The following TMPRSS11D variants were observed in gnomAD, a reference collection of about 807,000 sequenced individuals.
TMPRSS11D encodes transmembrane serine protease 11D, also known as transmembrane protease serine 11D.
TMPRSS11D carries 32 observed loss-of-function variants against 44.4 expected under a neutral mutation model. The ratio of observed to expected loss-of-function variants is 0.72; its 90% CI spans 0.54 to 0.97. The LOEUF (loss-of-function observed/expected upper bound fraction) is 0.97. Among genes scored for constraint, TMPRSS11D ranks in the 50% least tolerant of loss-of-function variants. The pLI is 0.00. For missense variants in TMPRSS11D, 446 were observed against 502.6 expected (o/e 0.89, Z 1.08); for synonymous variants, 179 against 177.9 (o/e 1.01, Z -0.05).
chr4:67,828,963 A>C (rs551329767), intron 7 of TMPRSS11D, among the ~76,000 whole-genome samples: 4 of 152,220 alleles, frequency 2.6e-5, no homozygotes, highest in Non-Finnish European at 4.4e-5. Flanking sequence ...AAAAGTGTCC[A>C]GGAAAGCTCC....
chr4:67,832,923 A>C (rs1717981645), intron 7 of TMPRSS11D, among the ~76,000 whole-genome samples: 1 of 152,078 alleles, frequency 6.6e-6, no homozygotes, highest in African/African-American at 2.4e-5. Context: ...AGATTTAGTA[A>C]ATTTCTTAAG....
chr4:67,872,039 A>C (rs1308544120), intron 1 of TMPRSS11D, among the ~76,000 whole-genome samples: 2 of 152,176 alleles, frequency 1.3e-5, no homozygotes, highest in Non-Finnish European at 2.9e-5. Flanking sequence ...CTTACTGATT[A>C]ATGTTAGTTA....
rs933693393 is a variant in TMPRSS11D at position 67,821,621 on chromosome 4, G to A, written c.*716C>T. Reference sequence around the variant, plus strand: ...ATAGATATAGTCTCTCCTTTATGTAGATGAGTGATATTTTTCATGGGTCAT... The same window carrying A: ...ATAGATATAGTCTCTCCTTTATGTAAATGAGTGATATTTTTCATGGGTCAT... On this transcript the variant is annotated 3_prime_UTR_variant, in exon 10 of 10. Transcript: ENST00000283916. 2 of 152,068 alleles carry A rather than the reference G, an allele frequency of 1.3e-5. No individual in the cohort carries two copies. Among genetic ancestry groups the A allele is most frequent in the South Asian group, 2.1e-4 (1 of 4,824 alleles). The allele number at this position is 152,068 out of a possible 1,614,324, so 9.4% of individuals were successfully genotyped here.
At chr4:67,827,203 T>A in intron 8 of TMPRSS11D, 58 bp downstream of exon 8, 1 of 1,529,772 alleles carries the variant, frequency 6.5e-7, no homozygotes, top group South Asian at 1.3e-5. Flanking sequence ...TTTAAAAAAT[T>A]ACCTAATAGC....
intron 2 of TMPRSS11D, among the ~76,000 whole-genome samples, chr4:67,855,536 A>C (rs1437029008): frequency 2.0e-5 from 3 of 152,236 alleles, no homozygotes; most frequent in South Asian, 4.1e-4. Flanking sequence ...AACTAGGCTT[A>C]GAAGGGACAT....
chr4:67,859,505 G>A, intron 2 of TMPRSS11D, 52 bp downstream of exon 2: 1 of 1,567,426 alleles, frequency 6.4e-7, no homozygotes, highest in Middle Eastern at 1.7e-4. Context: ...CTTTAAATCT[G>A]AAATTGTATG....
intron 9 of TMPRSS11D, among the ~76,000 whole-genome samples, chr4:67,824,214 T>C (rs1211598148): frequency 6.6e-6 from 1 of 151,118 alleles, no homozygotes; most frequent in Non-Finnish European, 1.5e-5. Flanking sequence ...GAGTGGAATA[T>C]ACATGGAAGG....
intron 9 of TMPRSS11D, among the ~76,000 whole-genome samples, chr4:67,823,051 G>C (rs554003345): frequency 6.6e-6 from 1 of 152,204 alleles, no homozygotes; most frequent in Admixed American, 6.5e-5. Context: ...TTCAATGTCT[G>C]TTTTCCCAGA....
intron 2 of TMPRSS11D, among the ~76,000 whole-genome samples, chr4:67,856,149 G>C (rs1318110908): frequency 6.6e-6 from 1 of 152,082 alleles, no homozygotes; most frequent in Non-Finnish European, 1.5e-5. Flanking sequence ...CCTAAAATTT[G>C]TATGAAACAA....
In TMPRSS11D at chr4:67,838,331, T is replaced by C; in HGVS notation, c.318-2A>G. On this transcript the variant is annotated splice_acceptor_variant, in intron 4 of 9. Coordinates refer to ENST00000283916, the MANE Select transcript of TMPRSS11D (RefSeq NM_004262.3). LOFTEE classifies it high-confidence loss of function. ...GCTCTCACACCACTACCATCTTGCCTGTAAATCATAAAGATATTTTAAAAA... is the reference window on the plus strand; with the variant it reads ...GCTCTCACACCACTACCATCTTGCCCGTAAATCATAAAGATATTTTAAAAA... The C allele has an allele frequency of 6.5e-7, 1 of 1,545,656 alleles. No individual in the cohort carries two copies. Among genetic ancestry groups the C allele is most frequent in the Non-Finnish European group, 8.7e-7 (1 of 1,151,026 alleles).
chr4:67,833,093 T>A (rs532681342), intron 7 of TMPRSS11D, 111 bp downstream of exon 7: 1 of 1,077,092 alleles, frequency 9.3e-7, no homozygotes, highest in African/African-American at 1.6e-5. Context: ...TCTTACTGAT[T>A]TTTTTGCATT....
At chr4:67,824,276 T>C (rs1363120906) in intron 9 of TMPRSS11D, among the ~76,000 whole-genome samples, 1 of 151,884 alleles carries the variant, frequency 6.6e-6, no homozygotes, top group African/African-American at 2.4e-5. Flanking sequence ...TAATAATTTG[T>C]ATGCACTGAA....
At position 67,861,068 on chromosome 4, in the gene TMPRSS11D, AT is replaced by A. The variant is rs542587143; in HGVS notation, c.9-1391del. Reference sequence around the variant, plus strand: ...TAAAAATTGACCATGTTCAAGCATGATCACTTTTAAAAAGAGCATTTAAGTA... The same window carrying A: ...TAAAAATTGACCATGTTCAAGCATGACACTTTTAAAAAGAGCATTTAAGTA... On this transcript the variant is annotated intron_variant, in intron 1 of 9. Transcript: ENST00000283916. Among the ~76,000 whole-genome samples the A allele has an allele frequency of 3.4e-3, 506 of 150,750 alleles. 2 individuals carry two copies. The highest frequency in any genetic ancestry group is 0.012 in the African/African-American group (474 of 41,050).
intron 2 of TMPRSS11D, 80 bp from the exon 3 acceptor site, chr4:67,854,266 T>C: frequency 1.4e-6 from 1 of 717,940 alleles, no homozygotes; most frequent in Non-Finnish European, 2.3e-6. Flanking sequence ...TTATGGGAGG[T>C]TATATTATAG....
chr4:67,829,733 G>C (rs1288559650), intron 7 of TMPRSS11D, among the ~76,000 whole-genome samples: 1 of 151,960 alleles, frequency 6.6e-6, no homozygotes, highest in Non-Finnish European at 1.5e-5. Flanking sequence ...GTTCATGGTA[G>C]GGGAGATCAA....
chr4:67,822,397 T>C lies in TMPRSS11D; in HGVS notation c.1197A>G (p.Pro399=), dbSNP rs780172015. ...WGDQCGLPDK[P]GVYTRVTAYL... ...AGGCTGTCACTCGAGTATACACTCC[T>C]GGCTTATCCGGCAGGCCACACTGAT... is the stretch of plus-strand genomic sequence containing the variant. The change falls in exon 10 of 10, where the codon CCA becomes CCG. Residue 399 remains proline, a synonymous_variant. Coordinates refer to ENST00000283916, the MANE Select transcript of TMPRSS11D (RefSeq NM_004262.3). The C allele has an allele frequency of 6.2e-7, 1 of 1,613,936 alleles. No individual in the cohort carries two copies. The highest frequency in any genetic ancestry group is 2.2e-5 in the East Asian group (1 of 44,868).
At chr4:67,865,183 G>T (rs1343445697) in intron 1 of TMPRSS11D, among the ~76,000 whole-genome samples, 1 of 151,298 alleles carries the variant, frequency 6.6e-6, no homozygotes, top group Non-Finnish European at 1.5e-5. Flanking sequence ...AATTACAATG[G>T]TCTACAACTA....
At chr4:67,857,304 TATATATATATATATATATAC>T (rs1165522853) in intron 2 of TMPRSS11D, among the ~76,000 whole-genome samples, 14 of 27,574 alleles carry the variant, frequency 5.1e-4, no homozygotes, top group African/African-American at 4.0e-3. Context: ...TATATATATA[TATATATATATATATATATAC>T]ACACACACAC....
At chr4:67,861,702 C>T (rs1002918505) in intron 1 of TMPRSS11D, among the ~76,000 whole-genome samples, 5 of 151,990 alleles carry the variant, frequency 3.3e-5, no homozygotes, top group Non-Finnish European at 7.4e-5. Flanking sequence ...TTTCAGTTCA[C>T]GAAAAACGTC....
Sources: gnomAD v4.1 joint callset for allele counts (sites outside exome capture counted in the v4.1 genomes callset) on GRCh38, gnomAD v4.1.1 for gene constraint, MANE v1.5 for transcripts, NCBI Gene and HGNC (gene_info 2026-07-23, HGNC 2026-07-21) for gene names.